Variants in RSBN1L observed in about 807,000 individuals in gnomAD.
RSBN1L encodes the protein lysine-specific demethylase RSBN1L.
RSBN1L carries 30 observed loss-of-function variants against 67.7 expected under a neutral mutation model. The ratio of observed to expected loss-of-function variants is 0.44; its 90% CI spans 0.33 to 0.60. The LOEUF is 0.60. Ranked by LOEUF, RSBN1L falls within the 20% of genes least tolerant of loss-of-function variation. The pLI, the probability that RSBN1L is intolerant of heterozygous loss-of-function variation, is 0.02. For synonymous variants in RSBN1L, 433 were observed against 387.0 expected (o/e 1.12, Z -1.39); for missense variants, 992 against 1,031.7 (o/e 0.96, Z 0.53).
intron 3 of RSBN1L, among the ~76,000 whole-genome samples, chr7:77,750,464 G>A (rs1156281969): frequency 6.6e-6 from 1 of 151,930 alleles, no homozygotes; most frequent in Non-Finnish European, 1.5e-5. Flanking sequence ...CCCATCACAT[G>A]GTAGGTACTG....
Position 77,735,640 on chromosome 7 carries a change from G to A in RSBN1L, c.587-770G>A, listed in dbSNP as rs1004986815. Among the ~76,000 whole-genome samples, 3 of 152,050 alleles carry A rather than the reference G, an allele frequency of 2.0e-5. No homozygotes were observed. The East Asian group carries it at 5.8e-4, about 29-fold the overall frequency. On this transcript the variant is annotated intron_variant, in intron 1 of 7. Transcript: ENST00000334955. ...CACAGTTCTTGTATACTTCCATCAT[G>A]GTTTTGTAATCAGTCGTAAGCTTTT...
chr7:77,754,638 A>G (rs758481450), intron 3 of RSBN1L, among the ~76,000 whole-genome samples: 2 of 152,158 alleles, frequency 1.3e-5, no homozygotes, highest in African/African-American at 2.4e-5. Context: ...TTATCTTCCA[A>G]CATCCCCCTT....
At chr7:77,760,268 A>C (rs1393356609) in intron 3 of RSBN1L, among the ~76,000 whole-genome samples, 1 of 152,170 alleles carries the variant, frequency 6.6e-6, no homozygotes, top group Non-Finnish European at 1.5e-5. Flanking sequence ...ATGTTAACCA[A>C]AGCTTCTCAG....
At chr7:77,731,917 A>G (rs954248763) in intron 1 of RSBN1L, among the ~76,000 whole-genome samples, 4 of 152,042 alleles carry the variant, frequency 2.6e-5, no homozygotes, top group Non-Finnish European at 4.4e-5. Flanking sequence ...ATCTCCATCA[A>G]GATAAGTTGA....
chr7:77,736,694 G>A (rs557353020), intron 2 of RSBN1L, among the ~76,000 whole-genome samples, 168 bp downstream of exon 2: 23 of 152,198 alleles, frequency 1.5e-4, no homozygotes, highest in African/African-American at 5.5e-4. Flanking sequence ...AATCTGTATG[G>A]TAACATGTCT....
At chr7:77,710,632 G>T (rs1790959735) in intron 1 of RSBN1L, among the ~76,000 whole-genome samples, 1 of 152,076 alleles carries the variant, frequency 6.6e-6, no homozygotes, top group Non-Finnish European at 1.5e-5. Flanking sequence ...GTCTCGCTCT[G>T]TTGCTCAGGT....
At position 77,778,370 on chromosome 7, in the gene RSBN1L, T is replaced by C; in HGVS notation, c.1826T>C (p.Ile609Thr). 3 of 1,612,852 alleles carry C rather than the reference T, an allele frequency of 1.9e-6. No homozygotes were observed. The highest frequency in any genetic ancestry group is 2.5e-6 in the Non-Finnish European group (3 of 1,179,564). ...PDQPRITKDVICFHAEDFLEV... is the reference protein window; with the variant it reads ...PDQPRITKDVTCFHAEDFLEV... Reference sequence around the variant, plus strand: ...CAACCCCGTATAACCAAAGATGTAATTTGTTTTCATGCTGAAGATTTCTTA... The same window carrying C: ...CAACCCCGTATAACCAAAGATGTAACTTGTTTTCATGCTGAAGATTTCTTA... The change falls in exon 7 of 8, where the codon ATT (isoleucine) becomes ACT (threonine). Residue 609 changes from isoleucine to threonine, a missense_variant. Coordinates refer to ENST00000334955, the MANE Select transcript of RSBN1L (RefSeq NM_198467.3).
At chr7:77,730,319 G>A (rs1791257575) in intron 1 of RSBN1L, among the ~76,000 whole-genome samples, 1 of 152,032 alleles carries the variant, frequency 6.6e-6, no homozygotes, top group African/African-American at 2.4e-5. Context: ...CCTCTCCCCC[G>A]ACACTTGCAT....
At chr7:77,754,595 C>T (rs931795558) in intron 3 of RSBN1L, among the ~76,000 whole-genome samples, 7 of 152,172 alleles carry the variant, frequency 4.6e-5, no homozygotes, top group African/African-American at 1.7e-4. Context: ...TAACATTCAT[C>T]CTGAGAAACT....
chr7:77,725,470 C>G (rs867877437), intron 1 of RSBN1L, among the ~76,000 whole-genome samples: 2 of 147,320 alleles, frequency 1.4e-5, no homozygotes, highest in African/African-American at 5.1e-5. Context: ...TGGTCTCGAA[C>G]TCCTGACCTC....
chr7:77,746,961 G>T lies in RSBN1L; in HGVS notation c.704-2463G>T, dbSNP rs191861415. Among the ~76,000 whole-genome samples the T allele has an allele frequency of 3.8e-3, 579 of 152,340 alleles. 4 individuals carry two copies. Among genetic ancestry groups the T allele is most frequent in the African/African-American group, 0.013 (549 of 41,584 alleles). ...TGGGTAGCCCCACCCCTGTGGCTGT[G>T]TAGGGTTCAGCCCCTGTGGCTGCTC... On this transcript the variant is annotated intron_variant, in intron 2 of 7. Transcript: ENST00000334955.
intron 2 of RSBN1L, among the ~76,000 whole-genome samples, chr7:77,747,454 G>A (rs935368412): frequency 6.6e-6 from 1 of 152,140 alleles, no homozygotes; most frequent in African/African-American, 2.4e-5. Context: ...CACAGCCTCA[G>A]GATACTGCTC....
chr7:77,741,766 C>CCAATTTT (rs1791414046), intron 2 of RSBN1L, among the ~76,000 whole-genome samples: 1 of 151,438 alleles, frequency 6.6e-6, no homozygotes, highest in African/African-American at 2.4e-5. Flanking sequence ...GTAGGAGAAG[C>CCAATTTT]AAATTGGTAT....
Position 77,776,050 on chromosome 7 carries a change from C to T in RSBN1L, c.1794-2288C>T, listed in dbSNP as rs536870629. On this transcript the variant is annotated intron_variant, in intron 6 of 7. Coordinates refer to ENST00000334955, the MANE Select transcript of RSBN1L (RefSeq NM_198467.3). ...CAGCCTGGGCGATTGACGTGAGACT[C>T]CGTCTCAAAAAAAAAAGTGTATTTT... Among the ~76,000 whole-genome samples the T allele has an allele frequency of 1.1e-4, 12 of 106,890 alleles. 1 individual carries two copies. The South Asian group carries it at 3.5e-3, about 32-fold the overall frequency. The allele number at this position is 106,890 out of a possible 152,430, so 70.1% of individuals were successfully genotyped here. A position where few individuals can be genotyped will look rare whatever the true frequency, so the allele number is the denominator to read the frequency against.
chr7:77,709,990 G>A (rs1790951979), intron 1 of RSBN1L, among the ~76,000 whole-genome samples: 1 of 152,094 alleles, frequency 6.6e-6, no homozygotes, highest in South Asian at 2.1e-4. Flanking sequence ...TAGTGGCTCC[G>A]TCTTGGAAAC....
intron 1 of RSBN1L, among the ~76,000 whole-genome samples, chr7:77,734,993 A>T (rs1377537678): frequency 6.6e-6 from 1 of 151,656 alleles, no homozygotes; most frequent in Non-Finnish European, 1.5e-5. Flanking sequence ...CAGACTGTGT[A>T]TTTGTTGAGT....
intron 1 of RSBN1L, among the ~76,000 whole-genome samples, chr7:77,702,536 T>G (rs902995315): frequency 6.6e-6 from 1 of 152,202 alleles, no homozygotes; most frequent in Non-Finnish European, 1.5e-5. Flanking sequence ...TGCTGTGTTT[T>G]TAATCTTCAT....
chr7:77,723,614 A>G (rs541210631), intron 1 of RSBN1L, among the ~76,000 whole-genome samples: 3 of 152,010 alleles, frequency 2.0e-5, no homozygotes, highest in South Asian at 2.1e-4. Context: ...GACTGCAGGC[A>G]TGTACCACCA....
chr7:77,769,324 G>C (rs771761159), intron 5 of RSBN1L, among the ~76,000 whole-genome samples: 2 of 152,126 alleles, frequency 1.3e-5, no homozygotes, highest in African/African-American at 2.4e-5. Context: ...TTACTATAAA[G>C]TTCAAATAGA....
Sources: allele counts gnomAD v4.1 joint callset (sites outside exome capture counted in the v4.1 genomes callset), GRCh38; gene constraint gnomAD v4.1.1; transcripts MANE v1.5; gene names NCBI Gene and HGNC (gene_info 2026-07-23, HGNC 2026-07-21).